The following ATF2 variants were observed in gnomAD, a reference collection of about 807,000 sequenced individuals.
ATF2 encodes cyclic AMP-dependent transcription factor ATF-2.
Under a neutral mutation model 60.6 loss-of-function variants are expected in ATF2, and 24 were observed. The ratio of observed to expected loss-of-function variants is 0.40; its 90% CI spans 0.29 to 0.56. The LOEUF (loss-of-function observed/expected upper bound fraction) is 0.56, where lower values mean the gene tolerates loss of function less well. Among genes scored for constraint, ATF2 ranks in the 20% least tolerant of loss-of-function variants. ATF2 has a pLI of 0.54. For synonymous variants in ATF2, 206 were observed against 215.4 expected, an observed-to-expected ratio of 0.96 and a Z score of 0.38; for missense variants, 433 against 607.7, an observed-to-expected ratio of 0.71 and a Z score of 3.02.
intron 1 of ATF2, among the ~76,000 whole-genome samples, chr2:175,164,766 G>A (rs1700242793): frequency 6.6e-6 from 1 of 152,202 alleles, no homozygotes; most frequent in South Asian, 2.1e-4. Context: ...TTTTAGACAA[G>A]TTCTTAGCCT....
chr2:175,128,110 T>A (rs1332671102), intron 4 of ATF2, among the ~76,000 whole-genome samples: 1 of 152,172 alleles, frequency 6.6e-6, no homozygotes, highest in Non-Finnish European at 1.5e-5. Context: ...ACACAATCAT[T>A]TGATTTTCAT....
intron 10 of ATF2, among the ~76,000 whole-genome samples, chr2:175,110,107 AG>A (rs1165026909): frequency 6.6e-6 from 1 of 151,946 alleles, no homozygotes; most frequent in Non-Finnish European, 1.5e-5. Flanking sequence ...GAGGCTGGGG[AG>A]GGGGGATCAC....
intron 2 of ATF2, among the ~76,000 whole-genome samples, chr2:175,149,143 A>G (rs1196642784): frequency 6.6e-6 from 1 of 152,198 alleles, no homozygotes; most frequent in Non-Finnish European, 1.5e-5. Context: ...GGCCTTTAAT[A>G]ACATGGTAAA....
chr2:175,094,607 T>C (rs1694792768), intron 11 of ATF2, among the ~76,000 whole-genome samples: 1 of 152,134 alleles, frequency 6.6e-6, no homozygotes, highest in South Asian at 2.1e-4. Context: ...AAGTCTTATA[T>C]AAAGCTCAAG....
At chr2:175,105,444 T>G (rs1473261575) in intron 10 of ATF2, among the ~76,000 whole-genome samples, 2 of 152,112 alleles carry the variant, frequency 1.3e-5, no homozygotes, top group South Asian at 2.1e-4. Flanking sequence ...TTTTTGACTC[T>G]CCTGATGGCT....
At chr2:175,145,235 A>G (rs968079597) in intron 2 of ATF2, among the ~76,000 whole-genome samples, 1 of 152,152 alleles carries the variant, frequency 6.6e-6, no homozygotes, top group Admixed American at 6.5e-5. Flanking sequence ...TAGGTTGAAT[A>G]TATGTCCCTG....
In ATF2 at chr2:175,074,806, T is replaced by C; in HGVS notation, c.1321A>G (p.Ile441Val). The change falls in exon 14 of 14, where the codon ATT becomes GTT. Residue 441 changes from isoleucine (I) to valine (V), a missense_variant. Physicochemically the swap from Ile to Val is conservative, Grantham distance 29 (BLOSUM62 3). Coordinates refer to ENST00000264110, the MANE Select transcript of ATF2 (RefSeq NM_001880.4). The part of the protein sequence containing the change: ...TADKDDSSED[I>V]SVPSSPHTEA... Reference sequence around the variant, plus strand: ...GTATGTGGACTACTCGGCACTGAAATGTCTTCTGAACTATCATCTTTATCA... The same window carrying C: ...GTATGTGGACTACTCGGCACTGAAACGTCTTCTGAACTATCATCTTTATCA... 1 of 1,613,506 alleles carries C rather than the reference T, an allele frequency of 6.2e-7. No individual in the cohort carries two copies.
intron 10 of ATF2, among the ~76,000 whole-genome samples, chr2:175,110,023 C>A (rs1696058071): frequency 6.6e-6 from 1 of 152,150 alleles, no homozygotes; most frequent in African/African-American, 2.4e-5. Context: ...TGATTGTCTG[C>A]ACTAATGGAG....
intron 11 of ATF2, among the ~76,000 whole-genome samples, chr2:175,094,263 G>A (rs1156520497): frequency 2.0e-5 from 3 of 151,730 alleles, no homozygotes; most frequent in Non-Finnish European, 4.4e-5. Context: ...GCGTGGTGGT[G>A]CATGCCTATA....
intron 10 of ATF2, among the ~76,000 whole-genome samples, chr2:175,100,396 A>G (rs2105621086): frequency 6.6e-6 from 1 of 152,322 alleles, no homozygotes; most frequent in East Asian, 1.9e-4. Context: ...GAATTTTCAA[A>G]ATATCCCTAA....
chr2:175,136,756 G>T (rs1230551506), intron 2 of ATF2, among the ~76,000 whole-genome samples: 1 of 152,086 alleles, frequency 6.6e-6, no homozygotes, highest in Non-Finnish European at 1.5e-5. Context: ...GTGATTGAAG[G>T]GCAGCCATTA....
chr2:175,136,506 CACACTGTTAAAAATAGTTCTGAA>C lies in ATF2; in HGVS notation c.-43-43_-43-21del. 1 of 1,456,194 alleles carries C rather than the reference CACACTGTTAAAAATAGTTCTGAA, an allele frequency of 6.9e-7. No homozygotes were observed. Among genetic ancestry groups the C allele is most frequent in the African/African-American group, 1.4e-5 (1 of 70,710 alleles). 90.2% of individuals were successfully genotyped at this position (1,456,194 alleles called of 1,614,324 possible). A position where few individuals can be genotyped will look rare whatever the true frequency, so the allele number is the denominator to read the frequency against. ...AGAATACTGAAAAACAAAGTGGTTT[CACACTGTTAAAAATAGTTCTGAA>C]ACACTTCTTGAAACAGTAGAAAATA... On this transcript the variant is annotated intron_variant, in intron 2 of 13. Coordinates refer to ENST00000264110, the MANE Select transcript of ATF2 (RefSeq NM_001880.4).
chr2:175,139,465 A>G (rs1304938656), intron 2 of ATF2, among the ~76,000 whole-genome samples: 1 of 152,090 alleles, frequency 6.6e-6, no homozygotes, highest in Non-Finnish European at 1.5e-5. Context: ...TGAGGTCAGG[A>G]GTTCAAGACC....
intron 3 of ATF2, among the ~76,000 whole-genome samples, chr2:175,135,407 C>T (rs1262319503): frequency 2.0e-5 from 3 of 152,318 alleles, no homozygotes; most frequent in South Asian, 4.1e-4. Context: ...AGTTAAACAA[C>T]ACCACCAGGA....
At chr2:175,132,003 C>T (rs572990894) in intron 3 of ATF2, among the ~76,000 whole-genome samples, 1 of 152,194 alleles carries the variant, frequency 6.6e-6, no homozygotes, top group African/African-American at 2.4e-5. Context: ...CCACTTTTTG[C>T]AAATCCTTAA....
intron 1 of ATF2, among the ~76,000 whole-genome samples, chr2:175,161,917 T>C (rs1430986806): frequency 1.3e-5 from 2 of 152,122 alleles, no homozygotes; most frequent in African/African-American, 2.4e-5. Flanking sequence ...CCCGCCATCA[T>C]GCCCAGCTAA....
Position 175,074,290 on chromosome 2 carries a change from C to A in ATF2, c.*319G>T. 1 of 191,856 alleles carries A rather than the reference C, an allele frequency of 5.2e-6. No individual in the cohort carries two copies. The highest frequency in any genetic ancestry group is 1.1e-5 in the Non-Finnish European group (1 of 92,658). 11.9% of individuals were successfully genotyped at this position (191,856 alleles called of 1,614,324 possible). Reference sequence around the variant, plus strand: ...GTGGGAAGAAAGATTCAGTAACACCCCCATTTATTAAAACACCAGCAAATT... The same window carrying A: ...GTGGGAAGAAAGATTCAGTAACACCACCATTTATTAAAACACCAGCAAATT... On this transcript the variant is annotated 3_prime_UTR_variant, in exon 14 of 14. Coordinates refer to ENST00000264110, the MANE Select transcript of ATF2 (RefSeq NM_001880.4).
chr2:175,155,255 C>G (rs1699600570), intron 1 of ATF2, among the ~76,000 whole-genome samples: 3 of 152,192 alleles, frequency 2.0e-5, no homozygotes, highest in Admixed American at 2.0e-4. Context: ...CATCCCAAAT[C>G]TTATTAGAAT....
chr2:175,147,162 C>T (rs1699017968), intron 2 of ATF2, among the ~76,000 whole-genome samples: 1 of 152,114 alleles, frequency 6.6e-6, no homozygotes, highest in Admixed American at 6.6e-5. Flanking sequence ...TCCTTGTTCC[C>T]TTTTTAAAAT....
Sources: gnomAD v4.1 joint callset for allele counts (sites outside exome capture counted in the v4.1 genomes callset) on GRCh38, gnomAD v4.1.1 for gene constraint, MANE v1.5 for transcripts, NCBI Gene and HGNC (gene_info 2026-07-23, HGNC 2026-07-21) for gene names.